Variants in RGS6 observed in about 807,000 individuals in gnomAD.
RGS6 encodes regulator of G-protein signaling 6.
Under a neutral mutation model 78.5 loss-of-function variants are expected in RGS6, and 30 were observed. The ratio of observed to expected loss-of-function variants is 0.38; its 90% confidence interval spans 0.29 to 0.52. The LOEUF is 0.52. RGS6 is among the 20% of genes least tolerant of loss of function. RGS6 has a pLI of 0.85. For missense variants in RGS6, 495 were observed against 609.7 expected (o/e 0.81, Z 1.98); for synonymous variants, 206 against 206.0 (o/e 1.00, Z 0.00).
chr14:72,427,439 C>G (rs527963430), intron 3 of RGS6, among the ~76,000 whole-genome samples: 2 of 152,166 alleles, frequency 1.3e-5, no homozygotes, highest in Admixed American at 1.3e-4. Context: ...ACTGTAGATC[C>G]TCCTGCTCCT....
At chr14:72,338,291 C>T (rs2076397530) in intron 2 of RGS6, among the ~76,000 whole-genome samples, 1 of 152,162 alleles carries the variant, frequency 6.6e-6, no homozygotes, top group Admixed American at 6.5e-5. Flanking sequence ...TTGGGGAGGC[C>T]TCACAATCAT....
chr14:72,036,451 T>A (rs1440774362), intron 2 of RGS6, among the ~76,000 whole-genome samples: 5 of 152,168 alleles, frequency 3.3e-5, no homozygotes, highest in Non-Finnish European at 7.3e-5. Flanking sequence ...AACCGGTAGA[T>A]GTGCCTGTAA....
intron 3 of RGS6, among the ~76,000 whole-genome samples, chr14:72,430,827 T>C (rs1362337613): frequency 1.3e-5 from 2 of 152,172 alleles, no homozygotes; most frequent in Non-Finnish European, 2.9e-5. Flanking sequence ...GGCATGCTTC[T>C]TGAGGGTTGC....
chr14:72,459,227 C>T lies in RGS6; in HGVS notation c.343-405C>T, dbSNP rs145411985. Among the ~76,000 whole-genome samples the T allele has an allele frequency of 5.9e-5, 9 of 152,214 alleles. No homozygotes were observed. In the East Asian group the frequency reaches 1.7e-3, roughly 29 times the overall value. ...GATCCTTCCGTAGAGGGAATGAGGG[C>T]AGAGGATATGGGCTTGAATCAAGGT... On this transcript the variant is annotated intron_variant, in intron 5 of 17. Coordinates refer to ENST00000553525, the MANE Select transcript of RGS6 (RefSeq NM_001204424.2).
At chr14:72,129,780 C>T (rs1474772802) in intron 2 of RGS6, among the ~76,000 whole-genome samples, 2 of 152,178 alleles carry the variant, frequency 1.3e-5, no homozygotes, top group African/African-American at 4.8e-5. Flanking sequence ...CTGGAACTGT[C>T]ACTGTGTTGC....
At chr14:72,329,814 G>A (rs1166068845) in intron 2 of RGS6, among the ~76,000 whole-genome samples, 2 of 152,160 alleles carry the variant, frequency 1.3e-5, no homozygotes, top group African/African-American at 4.8e-5. Flanking sequence ...ACCTGAGGAG[G>A]AAGGGACATG....
intron 2 of RGS6, among the ~76,000 whole-genome samples, chr14:72,234,060 G>A (rs531493284): frequency 2.3e-4 from 35 of 152,086 alleles, no homozygotes; most frequent in African/African-American, 8.2e-4. Flanking sequence ...CTGGAGATGG[G>A]GAGAGTCAAA....
chr14:71,968,170 G>A (rs954076311), intron 2 of RGS6, among the ~76,000 whole-genome samples: 2 of 151,996 alleles, frequency 1.3e-5, no homozygotes, highest in African/African-American at 4.8e-5. Flanking sequence ...TTACTGAATT[G>A]CCCAGTGTAA....
chr14:72,234,990 T>C (rs998587811), intron 2 of RGS6, among the ~76,000 whole-genome samples: 1 of 152,142 alleles, frequency 6.6e-6, no homozygotes, highest in African/African-American at 2.4e-5. Flanking sequence ...CTTGTCCTCG[T>C]TTTACAATTG....
intron 2 of RGS6, among the ~76,000 whole-genome samples, chr14:72,077,576 T>C (rs1022805080): frequency 2.0e-5 from 3 of 152,210 alleles, no homozygotes; most frequent in African/African-American, 4.8e-5. Context: ...TAAACACTCT[T>C]GCCTAATTTG....
chr14:72,612,517 A>T, the RGS6 span: 1 of 518,172 alleles, frequency 1.9e-6, no homozygotes, highest in South Asian at 1.4e-5. Flanking sequence ...CCTATACGCC[A>T]CTGTTGCTTC....
rs1003219611 is a variant in RGS6, at chr14:72,395,581, A to G, written c.184+43387A>G. 3.3e-5 allele frequency among the ~76,000 whole-genome samples: 5 copies of G among 152,098 alleles called. No homozygotes were observed. The East Asian group carries it at 7.7e-4, about 24-fold the overall frequency. On this transcript the variant is annotated intron_variant, in intron 3 of 17. Coordinates refer to ENST00000553525, the MANE Select transcript of RGS6 (RefSeq NM_001204424.2). ...AAGTTTTAGGGTACATGTGCACAACATGCAGGTTTGTTACATATGTATACA... is the reference window on the plus strand; with the variant it reads ...AAGTTTTAGGGTACATGTGCACAACGTGCAGGTTTGTTACATATGTATACA...
chr14:72,280,861 G>A (rs575679274), intron 2 of RGS6, among the ~76,000 whole-genome samples: 26 of 152,206 alleles, frequency 1.7e-4, no homozygotes, highest in East Asian at 9.7e-4. Context: ...CTCTTCAAAC[G>A]GCCAAATGCC....
At chr14:72,243,197 C>T (rs974264530) in intron 2 of RGS6, among the ~76,000 whole-genome samples, 3 of 152,214 alleles carry the variant, frequency 2.0e-5, no homozygotes, top group Non-Finnish European at 4.4e-5. Context: ...ATGTTTACAA[C>T]TTCTGAGTTA....
chr14:71,985,238 C>A (rs930050761), intron 2 of RGS6, among the ~76,000 whole-genome samples: 2 of 152,138 alleles, frequency 1.3e-5, no homozygotes, highest in South Asian at 4.1e-4. Context: ...ATTCTCCTGC[C>A]TCAGCCTCCC....
At chr14:72,400,495 C>T (rs2092252966) in intron 3 of RGS6, among the ~76,000 whole-genome samples, 2 of 152,164 alleles carry the variant, frequency 1.3e-5, no homozygotes, top group African/African-American at 2.4e-5. Context: ...GTGTAAGGCA[C>T]CTTCAAGGTG....
intron 2 of RGS6, among the ~76,000 whole-genome samples, chr14:72,007,718 T>C (rs537458089): frequency 6.6e-6 from 1 of 152,260 alleles, no homozygotes; most frequent in South Asian, 2.1e-4. Flanking sequence ...TATCAACCAG[T>C]AGTGCTCCCT....
intron 2 of RGS6, among the ~76,000 whole-genome samples, chr14:72,234,724 C>T (rs2238219): frequency 0.087 from 13,169 of 152,014 alleles, 707 homozygotes; most frequent in East Asian, 0.26. Context: ...TGATCATCAT[C>T]AGCCCATTGG....
At chr14:72,361,336 G>A (rs2081418270) in intron 3 of RGS6, among the ~76,000 whole-genome samples, 1 of 152,120 alleles carries the variant, frequency 6.6e-6, no homozygotes, top group Non-Finnish European at 1.5e-5. Context: ...TAAAATGATT[G>A]CCCATTACAT....
Sources: allele counts gnomAD v4.1 joint callset (sites outside exome capture counted in the v4.1 genomes callset), GRCh38; gene constraint gnomAD v4.1.1; transcripts MANE v1.5; gene names NCBI Gene and HGNC (gene_info 2026-07-23, HGNC 2026-07-21).